Variants in CCDC68 observed in about 807,000 individuals in gnomAD.
CCDC68 encodes coiled-coil domain-containing protein 68.
A neutral mutation model predicts 47.1 loss-of-function variants in CCDC68; 45 were observed. The ratio of observed to expected loss-of-function variants is 0.96; its 90% CI spans 0.75 to 1.23. The LOEUF (loss-of-function observed/expected upper bound fraction) is 1.23, where lower values mean the gene tolerates loss of function less well. Ranked by LOEUF, CCDC68 falls within the 50% of genes most tolerant of loss-of-function variation. CCDC68 has a pLI of 0.00. For synonymous variants in CCDC68, 131 were observed against 129.5 expected, an observed-to-expected ratio of 1.01 and a Z score of -0.08; for missense variants, 353 against 373.6, an observed-to-expected ratio of 0.94 and a Z score of 0.45.
chr18:54,905,222 C>T (rs1037588942), intron 11 of CCDC68, among the ~76,000 whole-genome samples: 2 of 151,678 alleles, frequency 1.3e-5, no homozygotes, highest in Non-Finnish European at 2.9e-5. Context: ...CTGCTGCACT[C>T]CAGCCTGGGC....
At chr18:54,905,368 GA>G (rs1913930749) in intron 11 of CCDC68, among the ~76,000 whole-genome samples, 3 of 125,014 alleles carry the variant, frequency 2.4e-5, no homozygotes, top group Admixed American at 1.7e-4. Context: ...AGGAAGGGGA[GA>G]GAAAGAAAGG....
chr18:54,933,761 T>C (rs1440584072), intron 7 of CCDC68, among the ~76,000 whole-genome samples: 1 of 152,234 alleles, frequency 6.6e-6, no homozygotes, highest in African/African-American at 2.4e-5. Flanking sequence ...ATAATACACA[T>C]GCAGCTGAAT....
intron 8 of CCDC68, among the ~76,000 whole-genome samples, chr18:54,926,939 T>A (rs951955377): frequency 1.2e-4 from 19 of 152,232 alleles, no homozygotes; most frequent in South Asian, 2.1e-4. Context: ...GCATTTTACC[T>A]GTGTCAATTA....
chr18:54,909,737 C>T (rs372133121), intron 10 of CCDC68, among the ~76,000 whole-genome samples: 3 of 152,200 alleles, frequency 2.0e-5, no homozygotes, highest in South Asian at 2.1e-4. Flanking sequence ...TGCGAGGCTG[C>T]GGCTAGACCA....
At chr18:54,947,658 T>C (rs1185175451) in intron 1 of CCDC68, among the ~76,000 whole-genome samples, 2 of 152,210 alleles carry the variant, frequency 1.3e-5, no homozygotes, top group African/African-American at 2.4e-5. Flanking sequence ...ACATTTAATA[T>C]ATAATAAATG....
intron 8 of CCDC68, among the ~76,000 whole-genome samples, chr18:54,921,470 T>C (rs1012032347): frequency 2.0e-5 from 3 of 152,198 alleles, no homozygotes; most frequent in Non-Finnish European, 4.4e-5. Flanking sequence ...TCCAGGACTC[T>C]AGAAAGAGAC....
intron 1 of CCDC68, among the ~76,000 whole-genome samples, chr18:54,953,490 G>A (rs1274576263): frequency 6.7e-6 from 1 of 149,830 alleles, no homozygotes; most frequent in East Asian, 2.0e-4. Context: ...CCAAAAGAGT[G>A]TAAATGATTA....
chr18:54,927,032 C>T (rs1334344666), intron 8 of CCDC68, among the ~76,000 whole-genome samples: 2 of 152,094 alleles, frequency 1.3e-5, no homozygotes, highest in Non-Finnish European at 2.9e-5. Flanking sequence ...TTTTTTATGA[C>T]CATATCTATC....
chr18:54,935,113 G>T (rs72928880), intron 6 of CCDC68, among the ~76,000 whole-genome samples, 165 bp from the exon 7 acceptor site: 2 of 152,204 alleles, frequency 1.3e-5, no homozygotes, highest in Non-Finnish European at 2.9e-5. Flanking sequence ...AACCCTGATA[G>T]ACTACAACAA....
At chr18:54,937,208 A>T (rs893351787) in intron 5 of CCDC68, 3 of 439,768 alleles carry the variant, frequency 6.8e-6, no homozygotes, top group African/African-American at 2.0e-5. Context: ...TGTGCATAGT[A>T]ACGTCCTGCA....
At chr18:54,923,100 A>G (rs2000835) in intron 8 of CCDC68, among the ~76,000 whole-genome samples, 42,076 of 151,996 alleles carry the variant, frequency 0.28, 6,430 homozygotes, top group African/African-American at 0.41. Flanking sequence ...TAAAAGAAGA[A>G]AAGATAAAAA....
At position 54,942,544 on chromosome 18, in the gene CCDC68, A is replaced by G. The variant is rs548075824; in HGVS notation, c.117+131T>C. 21 of 587,012 alleles carry G rather than the reference A, an allele frequency of 3.6e-5. No homozygotes were observed. The South Asian group carries it at 3.8e-4, about 11-fold the overall frequency. The allele number at this position is 587,012 out of a possible 1,614,324, so 36.4% of individuals were successfully genotyped here. A position where few individuals can be genotyped will look rare whatever the true frequency, so the allele number is the denominator to read the frequency against. On this transcript the variant is annotated intron_variant, in intron 3 of 11. Coordinates refer to ENST00000591504, the MANE Select transcript of CCDC68 (RefSeq NM_025214.3). ...ATGGGTTTAAACTTCAGCTAGGAAG[A>G]CTGTCCTTTGCCAAACTAGGGTTGT...
At chr18:54,937,663 A>G (rs1365743196) in intron 5 of CCDC68, 1 of 250,806 alleles carries the variant, frequency 4.0e-6, no homozygotes, top group Non-Finnish European at 7.7e-6. Flanking sequence ...ATTGTTAACT[A>G]TAGACACAAT....
Position 54,919,177 on chromosome 18 carries a change from C to A in CCDC68, c.789+94G>T, listed in dbSNP as rs948569581. 6 of 907,396 alleles carry A rather than the reference C, an allele frequency of 6.6e-6. No individual in the cohort carries two copies. In the East Asian group the frequency reaches 1.4e-4, roughly 22 times the overall value. The allele number at this position is 907,396 out of a possible 1,614,324, so 56.2% of individuals were successfully genotyped here. On this transcript the variant is annotated intron_variant, in intron 9 of 11. Coordinates refer to ENST00000591504, the MANE Select transcript of CCDC68 (RefSeq NM_025214.3). ...AGGATATGTCAGTAGGGAGAGAAAT[C>A]TCATTGCTTCAAAAGTCCAGTCAAG...
chr18:54,907,639 C>A, intron 11 of CCDC68, 147 bp downstream of exon 11: 1 of 578,544 alleles, frequency 1.7e-6, no homozygotes, highest in Non-Finnish European at 3.2e-6. Context: ...ACAAGATTAA[C>A]ACAGTTCTGA....
chr18:54,924,441 C>T (rs2145459764), intron 8 of CCDC68, among the ~76,000 whole-genome samples: 1 of 152,154 alleles, frequency 6.6e-6, no homozygotes, highest in African/African-American at 2.4e-5. Context: ...AAAACAGCAG[C>T]CTGGAATGCC....
intron 10 of CCDC68, among the ~76,000 whole-genome samples, chr18:54,911,001 G>A (rs945876553): frequency 6.6e-6 from 1 of 152,224 alleles, no homozygotes; most frequent in African/African-American, 2.4e-5. Flanking sequence ...GTGCCCAGTA[G>A]GGGTGGGGCT....
chr18:54,945,540 A>T (rs1230019594), intron 1 of CCDC68, 63 bp from the exon 2 acceptor site: 1 of 152,034 alleles, frequency 6.6e-6, no homozygotes, highest in African/African-American at 2.4e-5. Context: ...CTAGGCTGCA[A>T]AAAAAAACAC....
chr18:54,955,126 G>A (rs547245700), intron 1 of CCDC68, among the ~76,000 whole-genome samples: 85 of 152,260 alleles, frequency 5.6e-4, no homozygotes, highest in Non-Finnish European at 6.0e-4. Context: ...TTGGAGGCCA[G>A]TCTGGGTAAC....
Sources: allele counts gnomAD v4.1 joint callset (sites outside exome capture counted in the v4.1 genomes callset), GRCh38; gene constraint gnomAD v4.1.1; transcripts MANE v1.5; gene names NCBI Gene and HGNC (gene_info 2026-07-23, HGNC 2026-07-21).